PLCB2: variants seen among roughly 807,000 people sequenced by gnomAD.
PLCB2 encodes phospholipase C beta 2, also known as 1-phosphatidylinositol 4,5-bisphosphate phosphodiesterase beta-2.
In PLCB2, 115 loss-of-function variants were observed where a neutral mutation model predicts 141.7. The observed-to-expected ratio is 0.81, with a 90% CI of 0.70 to 0.95. PLCB2 has a LOEUF of 0.95. PLCB2 is among the 40% of genes least tolerant of loss of function. The pLI is 0.00. For synonymous variants in PLCB2, 603 were observed against 595.6 expected (o/e 1.01, Z -0.18); for missense variants, 1,403 against 1,541.1 (o/e 0.91, Z 1.50).
intron 3 of PLCB2, among the ~76,000 whole-genome samples, 195 bp from the exon 4 acceptor site, chr15:40,302,804 G>GA (rs1245215638): frequency 1.3e-5 from 2 of 152,234 alleles, no homozygotes; most frequent in East Asian, 3.9e-4. Flanking sequence ...AGGCCCTGAG[G>GA]AAAAGGTTAG....
intron 1 of PLCB2, among the ~76,000 whole-genome samples, chr15:40,305,610 G>A (rs1162207285): frequency 6.6e-6 from 1 of 152,226 alleles, no homozygotes; most frequent in East Asian, 1.9e-4. Context: ...AGGGGCTGAA[G>A]ACATAGTTGT....
downstream of PLCB2, among the ~76,000 whole-genome samples, chr15:40,285,207 T>C (rs2412505): frequency 0.32 from 48,374 of 152,152 alleles, 8,471 homozygotes; most frequent in East Asian, 0.77. Flanking sequence ...GCGTGTGATG[T>C]GTACCTGCAT....
Position 40,293,042 on chromosome 15 carries a change from A to G in PLCB2, c.2227-17T>C. The G allele has an allele frequency of 1.3e-6, 2 of 1,533,202 alleles. No homozygotes were observed. The highest frequency in any genetic ancestry group is 1.2e-5 in the South Asian group (1 of 84,618). 95.0% of individuals were successfully genotyped at this position (1,533,202 alleles called of 1,614,324 possible). ...CATCAAGATCTGGGGAGAGTTGGGG[A>G]CATGACAGGCTGGGAGGGGAGAGAG... On this transcript the variant is annotated splice_polypyrimidine_tract_variant and intron_variant, in intron 20 of 31. Transcript: ENST00000260402.
intron 2 of PLCB2, among the ~76,000 whole-genome samples, chr15:40,303,657 G>A (rs568286113): frequency 5.9e-5 from 9 of 151,880 alleles, no homozygotes; most frequent in African/African-American, 1.5e-4. Context: ...TCCCCTTCCC[G>A]TCCTCCTGCC....
rs2141152227 is a variant in PLCB2 at position 40,301,703 on chromosome 15, A to G, written c.582+254T>C. On this transcript the variant is annotated intron_variant, in intron 7 of 31. Transcript: ENST00000260402. ...GCCCTGAACACAGTCCATCAACCAC[A>G]GCCCCAGCGCCCCCACCACCCAGGG... is the stretch of plus-strand genomic sequence containing the variant. 10 of 703,950 alleles carry G rather than the reference A, an allele frequency of 1.4e-5. No individual in the cohort carries two copies. In the South Asian group the frequency reaches 1.5e-4, roughly 10 times the overall value. 43.6% of individuals were successfully genotyped at this position (703,950 alleles called of 1,614,324 possible). A position where few individuals can be genotyped will look rare whatever the true frequency, so the allele number is the denominator to read the frequency against.
intron 23 of PLCB2, 28 bp downstream of exon 23, chr15:40,292,036 C>A (rs769292690): frequency 3.0e-5 from 48 of 1,609,374 alleles, no homozygotes; most frequent in Non-Finnish European, 4.0e-5. Context: ...TCTGGTGAGC[C>A]CCTGGCAGCA....
rs771530632 is a variant in PLCB2, at chr15:40,294,266, C to T, written c.2061G>A (p.Thr687=). ...CCACTTGTGTGCCCCAGGGCCTTGCCGTAATGGAAAGGGTGGTGGCCACCA... is the reference window on the plus strand; with the variant it reads ...CCACTTGTGTGCCCCAGGGCCTTGCTGTAATGGAAAGGGTGGTGGCCACCA... The part of the protein sequence containing the change: ...DVVVATTLSI[T]VISGQFLSER... The change falls in exon 19 of 32, where the codon ACG becomes ACA. Residue 687 remains threonine, a splice_region_variant and synonymous_variant. Coordinates refer to ENST00000260402, the MANE Select transcript of PLCB2 (RefSeq NM_004573.3). 32 of 1,613,172 alleles carry T rather than the reference C, an allele frequency of 2.0e-5. No homozygotes were observed. The Admixed American group carries it at 3.0e-4, about 15-fold the overall frequency.
At chr15:40,298,444 C>G in intron 10 of PLCB2, 64 bp from the exon 11 acceptor site, 1 of 1,575,890 alleles carries the variant, frequency 6.3e-7, no homozygotes, top group Non-Finnish European at 8.7e-7. Context: ...CTCCCCCTAC[C>G]GCCACTCCAT....
At chr15:40,284,418 ATTC>A (rs2039580059), downstream of PLCB2, 1 of 425,812 alleles carries the variant, frequency 2.3e-6, no homozygotes, top group South Asian at 1.6e-5. Context: ...TGAGGGCTGA[ATTC>A]TTCTGCTAAA....
In PLCB2 at chr15:40,295,006, G is replaced by A. The variant is rs754277764; in HGVS notation, c.1836C>T (p.Ser612=). 3 of 1,614,104 alleles carry A rather than the reference G, an allele frequency of 1.9e-6. No individual in the cohort carries two copies. The South Asian group carries it at 3.3e-5, about 18-fold the overall frequency. The change falls in exon 18 of 32, where the codon TCC becomes TCT. Residue 612 remains serine, a synonymous_variant. Transcript: ENST00000260402. Reference sequence around the variant, plus strand: ...AGAACATCTGGGGCATGTAGTTGGAGGAGTCCATGCGGGTTCCCTTGGGGT... The same window carrying A: ...AGAACATCTGGGGCATGTAGTTGGAAGAGTCCATGCGGGTTCCCTTGGGGT... ...RIYPKGTRMD[S]SNYMPQMFWN... is the part of the protein sequence containing the mutation.
Position 40,290,856 on chromosome 15 carries a change from A to C in PLCB2, c.3037-19T>G, listed in dbSNP as rs1483057223. On this transcript the variant is annotated intron_variant, in intron 27 of 31. Transcript: ENST00000260402. ...AGATTTGCTGCAGGGAGAGGAAGTA[A>C]GCTTGGCGAGAAGCCCTTTGTTGTT... The C allele has an allele frequency of 1.9e-6, 3 of 1,591,030 alleles. No individual in the cohort carries two copies. The highest frequency in any genetic ancestry group is 1.7e-6 in the Non-Finnish European group (2 of 1,168,558).
At chr15:40,298,402 A>G (rs760967495) in intron 10 of PLCB2, 22 bp from the exon 11 acceptor site, 1 of 1,574,414 alleles carries the variant, frequency 6.4e-7, no homozygotes, top group Non-Finnish European at 8.7e-7. Flanking sequence ...GATGGGGAAG[A>G]GGTGAGGGCA....
At chr15:40,290,876 G>T in intron 27 of PLCB2, 39 bp from the exon 28 acceptor site, 2 of 1,415,624 alleles carry the variant, frequency 1.4e-6, no homozygotes. Flanking sequence ...GAAGCCCTTT[G>T]TTGTTCAGAG....
chr15:40,290,540 G>T (rs1271155677), intron 29 of PLCB2, 37 bp downstream of exon 29: 1 of 1,460,994 alleles, frequency 6.8e-7, no homozygotes, highest in Non-Finnish European at 9.6e-7. Context: ...CCTGAAGTGG[G>T]GTCTGCCCAG....
At position 40,302,150 on chromosome 15, in the gene PLCB2, C is replaced by T. The variant is rs1207485416; in HGVS notation, c.492G>A (p.Lys164=). ...GGGGGGCTCACTTCTTCACCGGAAT[C>T]TTCCCTTCAGAGTTGAGCTGCATCT... ...KLKMQLNSEG[K]IPVKNFFQMF... is the part of the protein sequence containing the mutation. The change falls in exon 6 of 32, where the codon AAG becomes AAA. Residue 164 remains lysine (K), a synonymous_variant. Transcript: ENST00000260402. 4 of 1,611,132 alleles carry T rather than the reference C, an allele frequency of 2.5e-6. No individual in the cohort carries two copies. The highest frequency in any genetic ancestry group is 1.7e-6 in the Non-Finnish European group (2 of 1,178,128).
rs746374306 is a variant in PLCB2 at position 40,298,313 on chromosome 15, G to A, written c.1065C>T (p.Cys355=). 1.4e-5 allele frequency: 23 copies of A among 1,607,558 alleles called. No individual in the cohort carries two copies. Among genetic ancestry groups the A allele is most frequent in the South Asian group, 1.2e-4 (11 of 90,516 alleles). The part of the protein sequence containing the change: ...YRQVLLSGCR[C]VELDCWKGKP... ...TCCCCTTCCAGCAGTCTAGCTCCACGCAACGGCAGCCAGAGAGCAGCACCT... is the reference window on the plus strand; with the variant it reads ...TCCCCTTCCAGCAGTCTAGCTCCACACAACGGCAGCCAGAGAGCAGCACCT... The change falls in exon 11 of 32, where the codon TGC becomes TGT. Residue 355 remains cysteine, a synonymous_variant. Transcript: ENST00000260402.
chr15:40,289,055 G>T (rs554851643), intron 31 of PLCB2, 137 bp from the exon 32 acceptor site: 143 of 1,327,058 alleles, frequency 1.1e-4, no homozygotes, highest in Admixed American at 2.3e-4. Flanking sequence ...GGCAGGGTGG[G>T]GGAGTGGTAG....
downstream of PLCB2, among the ~76,000 whole-genome samples, chr15:40,286,274 G>A (rs575472739): frequency 2.6e-5 from 4 of 152,182 alleles, no homozygotes; most frequent in Non-Finnish European, 4.4e-5. Context: ...TGCTGGGCCT[G>A]TCCTCCCAGC....
intron 29 of PLCB2, among the ~76,000 whole-genome samples, 165 bp downstream of exon 29, chr15:40,290,412 G>C (rs549180575): frequency 1.3e-5 from 2 of 152,228 alleles, no homozygotes; most frequent in Non-Finnish European, 2.9e-5. Flanking sequence ...TCCGTGTTTT[G>C]TCTGAGGAGG....
Sources: allele counts gnomAD v4.1 joint callset (sites outside exome capture counted in the v4.1 genomes callset), GRCh38; gene constraint gnomAD v4.1.1; transcripts MANE v1.5; gene names NCBI Gene and HGNC (gene_info 2026-07-23, HGNC 2026-07-21).